The following ARMC9 variants were observed in gnomAD, a reference collection of about 807,000 sequenced individuals.
ARMC9 encodes armadillo repeat containing 9, also known as lisH domain-containing protein ARMC9.
ARMC9 carries 94 observed loss-of-function variants against 107.0 expected under a neutral mutation model. The ratio of observed to expected loss-of-function variants is 0.88; its 90% CI spans 0.74 to 1.04. The LOEUF (loss-of-function observed/expected upper bound fraction) is 1.04. Ranked by LOEUF, ARMC9 falls within the 50% of genes least tolerant of loss-of-function variation. The pLI is 0.00. For missense variants in ARMC9, 942 were observed against 1,030.1 expected (o/e 0.91, Z 1.17); for synonymous variants, 380 against 396.9 (o/e 0.96, Z 0.51).
chr2:231,357,879 C>T (rs1219391441), intron 22 of ARMC9, among the ~76,000 whole-genome samples: 1 of 152,132 alleles, frequency 6.6e-6, no homozygotes, highest in Non-Finnish European at 1.5e-5. Context: ...CCCTCTTAGT[C>T]TCCTTTAAAA....
At chr2:231,271,382 T>G (rs2039317774) in intron 13 of ARMC9, among the ~76,000 whole-genome samples, 1 of 152,234 alleles carries the variant, frequency 6.6e-6, no homozygotes, top group Non-Finnish European at 1.5e-5. Context: ...TGAATGCATC[T>G]TCTATAATTT....
At chr2:231,249,837 C>T (rs1254772651) in intron 9 of ARMC9, among the ~76,000 whole-genome samples, 6 of 147,546 alleles carry the variant, frequency 4.1e-5, no homozygotes, top group Admixed American at 4.0e-4. Context: ...GGGAGACCAC[C>T]GCCCACCCGT....
chr2:231,282,250 C>T, intron 17 of ARMC9, 117 bp downstream of exon 17: 1 of 1,005,082 alleles, frequency 9.9e-7, no homozygotes, highest in Non-Finnish European at 1.5e-6. Context: ...TTCCAAACTC[C>T]TTGAAATTGT....
chr2:231,291,849 G>A (rs1261606715), intron 18 of ARMC9, among the ~76,000 whole-genome samples: 1 of 150,608 alleles, frequency 6.6e-6, no homozygotes, highest in Admixed American at 6.6e-5. Context: ...AAGGTGGGGA[G>A]ACCCAAGTGA....
chr2:231,208,351 A>G (rs2032332868), intron 3 of ARMC9, 99 bp downstream of exon 3: 2 of 943,650 alleles, frequency 2.1e-6, no homozygotes, highest in Non-Finnish European at 3.3e-6. Flanking sequence ...GTTTTTGAGC[A>G]CTTGCTCAGA....
chr2:231,273,673 C>G (rs544713908), intron 14 of ARMC9, among the ~76,000 whole-genome samples: 6 of 152,164 alleles, frequency 3.9e-5, no homozygotes, highest in East Asian at 1.9e-4. Context: ...CCTCAGCCCC[C>G]CAAAGTGCTG....
intron 14 of ARMC9, among the ~76,000 whole-genome samples, chr2:231,273,508 TCCA>T (rs1477867955): frequency 6.6e-6 from 1 of 152,046 alleles, no homozygotes; most frequent in Non-Finnish European, 1.5e-5. Context: ...CCTGACCTTG[TCCA>T]TGATCCCAGC....
chr2:231,278,306 C>T (rs1383987256), intron 15 of ARMC9, 76 bp from the exon 16 acceptor site: 1 of 1,462,852 alleles, frequency 6.8e-7, no homozygotes, highest in African/African-American at 1.4e-5. Flanking sequence ...CAAGATTTGT[C>T]TCCAAGTCTA....
Position 231,256,595 on chromosome 2 carries a change from A to C in ARMC9, c.889A>C (p.Met297Leu). The change falls in exon 10 of 25, where the codon ATG (methionine) becomes CTG (leucine). Residue 297 changes from methionine (M) to leucine (L), a missense_variant. By Grantham distance (15) the Met-to-Leu change is conservative. Transcript: ENST00000611582. ...GTCCTCTTCCCCCCAGGCATCCACC[A>C]TGTTACGAGCCTCCTTGGCACCCGT... ...DFTRPGTAST[M>L]LRASLAPVKL... 6.2e-7 allele frequency: 1 copy of C among 1,614,014 alleles called. No individual in the cohort carries two copies. The highest frequency in any genetic ancestry group is 8.5e-7 in the Non-Finnish European group (1 of 1,179,976).
At chr2:231,207,153 C>T (rs1200569222) in intron 2 of ARMC9, among the ~76,000 whole-genome samples, 1 of 152,014 alleles carries the variant, frequency 6.6e-6, no homozygotes, top group African/African-American at 2.4e-5. Flanking sequence ...TACAGACGTG[C>T]ACCACCATGC....
At chr2:231,287,629 TG>T (rs1257438051) in intron 17 of ARMC9, among the ~76,000 whole-genome samples, 1 of 152,138 alleles carries the variant, frequency 6.6e-6, no homozygotes, top group Non-Finnish European at 1.5e-5. Flanking sequence ...GCGATTCTCC[TG>T]CCTCAGCCTC....
chr2:231,371,548 G>T lies in ARMC9; in HGVS notation c.*13G>T, dbSNP rs1033108184. The T allele has an allele frequency of 4.9e-6, 6 of 1,235,668 alleles. No homozygotes were observed. Among genetic ancestry groups the T allele is most frequent in the African/African-American group, 3.1e-5 (2 of 63,612 alleles). 76.5% of individuals were successfully genotyped at this position (1,235,668 alleles called of 1,614,324 possible). The stretch of plus-strand genomic sequence containing the variant: ...TCACAGGAAGTAAGGATGTCCCCGG[G>T]TGTCCCCATCACGTTGCCGGAGGAC... On this transcript the variant is annotated 3_prime_UTR_variant, in exon 25 of 25. Transcript: ENST00000611582.
intron 19 of ARMC9, among the ~76,000 whole-genome samples, chr2:231,298,301 G>A (rs1033989462): frequency 4.6e-5 from 7 of 152,338 alleles, no homozygotes; most frequent in Middle Eastern, 3.4e-3. Flanking sequence ...GGTGCCAGCC[G>A]GGGCAGTCCG....
At chr2:231,296,604 G>T (rs529363619) in intron 19 of ARMC9, among the ~76,000 whole-genome samples, 31 of 152,344 alleles carry the variant, frequency 2.0e-4, no homozygotes, top group African/African-American at 7.5e-4. Flanking sequence ...TCACCGGTGG[G>T]AGTGCTGGGC....
intron 19 of ARMC9, among the ~76,000 whole-genome samples, chr2:231,302,433 GTTTGTTTTTTTTT>G (rs1404193189): frequency 4.1e-5 from 4 of 96,394 alleles, no homozygotes; most frequent in Non-Finnish European, 8.4e-5. Flanking sequence ...AGCATTGTGG[GTTTGTTTTTTTTT>G]TTTTTTTTTT....
intron 7 of ARMC9, among the ~76,000 whole-genome samples, chr2:231,234,499 C>T (rs542079542): frequency 1.2e-3 from 186 of 152,254 alleles, no homozygotes; most frequent in Non-Finnish European, 2.1e-3. Flanking sequence ...AAGAAGTGTC[C>T]TGCAGATATG....
At chr2:231,199,428 C>T (rs1471854588) in intron 1 of ARMC9, among the ~76,000 whole-genome samples, 1 of 152,156 alleles carries the variant, frequency 6.6e-6, no homozygotes, top group Non-Finnish European at 1.5e-5. Flanking sequence ...CCAGCTGATT[C>T]TGATTTAGGT....
At chr2:231,224,290 T>C (rs1293101339) in intron 6 of ARMC9, among the ~76,000 whole-genome samples, 2 of 151,938 alleles carry the variant, frequency 1.3e-5, no homozygotes, top group Non-Finnish European at 2.9e-5. Flanking sequence ...CTGCAAAAAG[T>C]ACAAAAAGTT....
At position 231,370,011 on chromosome 2, in the gene ARMC9, GACTGGAACCC is replaced by G. The variant is rs1559512034; in HGVS notation, c.2323_2332del (p.Trp775ProfsTer68). On this transcript the variant is annotated frameshift_variant, in exon 24 of 25. Coordinates refer to ENST00000611582, the MANE Select transcript of ARMC9 (RefSeq NM_001352754.2). LOFTEE classifies it high-confidence loss of function. ...GGCCCCCTGCACTCCAGAGATGCTG[GACTGGAACCC>G]ACCCAAGGCAAAGGCGTCAGTTCTG... 1 of 1,535,468 alleles carries G rather than the reference GACTGGAACCC, an allele frequency of 6.5e-7. No individual in the cohort carries two copies. The highest frequency in any genetic ancestry group is 8.7e-7 in the Non-Finnish European group (1 of 1,146,562).
Sources: gnomAD v4.1 joint callset for allele counts (sites outside exome capture counted in the v4.1 genomes callset) on GRCh38, gnomAD v4.1.1 for gene constraint, MANE v1.5 for transcripts, NCBI Gene and HGNC (gene_info 2026-07-23, HGNC 2026-07-21) for gene names.